The following ANKS1B variants were observed in gnomAD, a reference collection of about 807,000 sequenced individuals.
ANKS1B encodes the protein ankyrin repeat and sterile alpha motif domain containing 1B.
In ANKS1B, 36 loss-of-function variants were observed where a neutral mutation model predicts 148.3. The ratio of observed to expected loss-of-function variants is 0.24; its 90% CI spans 0.19 to 0.32. The LOEUF (loss-of-function observed/expected upper bound fraction) is 0.32, where lower values mean the gene tolerates loss of function less well. Ranked by LOEUF, ANKS1B falls within the 10% of genes least tolerant of loss-of-function variation. The pLI, the probability that ANKS1B is intolerant of heterozygous loss-of-function variation, is 1.00. For synonymous variants in ANKS1B, 542 were observed against 560.8 expected, an observed-to-expected ratio of 0.97 and a Z score of 0.47; for missense variants, 1,157 against 1,542.6, an observed-to-expected ratio of 0.75 and a Z score of 4.19.
At chr12:99,007,095 C>G (rs989775307) in intron 17 of ANKS1B, among the ~76,000 whole-genome samples, 17 of 152,188 alleles carry the variant, frequency 1.1e-4, no homozygotes, top group African/African-American at 4.1e-4. Context: ...TGCTTTTGCT[C>G]TGCTGTTATT....
chr12:99,385,586 A>G (rs1362495858), intron 12 of ANKS1B, among the ~76,000 whole-genome samples: 1 of 152,254 alleles, frequency 6.6e-6, no homozygotes, highest in Non-Finnish European at 1.5e-5. Flanking sequence ...TTCCAGTTTT[A>G]ATTTGATATA....
chr12:98,916,077 G>A (rs563737392), intron 17 of ANKS1B, among the ~76,000 whole-genome samples: 18 of 152,270 alleles, frequency 1.2e-4, no homozygotes, highest in Non-Finnish European at 2.1e-4. Flanking sequence ...AATTATTGAC[G>A]TATGTTTGTT....
At chr12:98,766,905 A>C (rs2098488406) in intron 25 of ANKS1B, among the ~76,000 whole-genome samples, 1 of 152,026 alleles carries the variant, frequency 6.6e-6, no homozygotes, top group Admixed American at 6.5e-5. Context: ...TCCTAGGCCC[A>C]AGAGATCCTC....
intron 9 of ANKS1B, among the ~76,000 whole-genome samples, chr12:99,555,250 G>A (rs1567339981): frequency 2.0e-5 from 3 of 152,050 alleles, no homozygotes; most frequent in Admixed American, 2.0e-4. Context: ...GTCCACAATG[G>A]TTGAACTAAT....
intron 8 of ANKS1B, among the ~76,000 whole-genome samples, chr12:99,712,607 A>G (rs1178199831): frequency 6.6e-6 from 1 of 152,226 alleles, no homozygotes; most frequent in African/African-American, 2.4e-5. Context: ...TAAAGGATCT[A>G]TGGGTGAGGC....
intron 17 of ANKS1B, among the ~76,000 whole-genome samples, chr12:98,981,240 C>T (rs141757461): frequency 0.02 from 3,104 of 152,088 alleles, 109 homozygotes; most frequent in African/African-American, 0.07. Context: ...TGGCCTCAAG[C>T]GATCCTCCCA....
chr12:99,806,485 C>A lies in ANKS1B; in HGVS notation c.588G>T (p.Thr196=). ...NLMSCNTRKH[T]PLHLAARNGH... ...CATTGCGCGCAGCAAGGTGAAGTGG[C>A]GTGTGCTTGCGAGTGTTGCAGCTCA... The change falls in exon 4 of 27, where the codon ACG becomes ACT. Residue 196 remains threonine, a synonymous_variant. Transcript: ENST00000683438. 1 of 1,613,946 alleles carries A rather than the reference C, an allele frequency of 6.2e-7. No homozygotes were observed. Among genetic ancestry groups the A allele is most frequent in the Non-Finnish European group, 8.5e-7 (1 of 1,179,858 alleles).
At chr12:99,531,587 A>C (rs142206119) in intron 9 of ANKS1B, among the ~76,000 whole-genome samples, 1 of 152,248 alleles carries the variant, frequency 6.6e-6, no homozygotes, top group African/African-American at 2.4e-5. Flanking sequence ...TATATACCAC[A>C]TTTTCTTTAT....
chr12:98,916,975 T>C (rs2099795248), intron 17 of ANKS1B, among the ~76,000 whole-genome samples: 1 of 151,892 alleles, frequency 6.6e-6, no homozygotes, highest in African/African-American at 2.4e-5. Context: ...TTTTTTTTTT[T>C]TTTGAGACAG....
intron 11 of ANKS1B, among the ~76,000 whole-genome samples, chr12:99,442,763 T>C (rs745350247): frequency 5.9e-5 from 9 of 151,924 alleles, no homozygotes; most frequent in Non-Finnish European, 1.2e-4. Flanking sequence ...ATTAAACAAA[T>C]CTTGCTTATT....
intron 12 of ANKS1B, among the ~76,000 whole-genome samples, chr12:99,350,423 A>C (rs2091279115): frequency 6.6e-6 from 1 of 152,050 alleles, no homozygotes; most frequent in African/African-American, 2.4e-5. Flanking sequence ...GGGATTAAAA[A>C]CTATGATGAA....
intron 15 of ANKS1B, among the ~76,000 whole-genome samples, chr12:99,135,677 C>T (rs11109735): frequency 2.7e-4 from 41 of 152,306 alleles, no homozygotes; most frequent in Non-Finnish European, 4.4e-4. Flanking sequence ...AGAATATGGG[C>T]ATTTTTAGAT....
intron 11 of ANKS1B, among the ~76,000 whole-genome samples, chr12:99,411,489 T>C (rs563083805): frequency 2.0e-5 from 3 of 152,324 alleles, no homozygotes; most frequent in East Asian, 1.9e-4. Context: ...GTCTTCTCTA[T>C]AGTGAATAGC....
intron 9 of ANKS1B, among the ~76,000 whole-genome samples, chr12:99,591,784 T>C (rs1265249479): frequency 6.6e-6 from 1 of 152,092 alleles, no homozygotes; most frequent in Admixed American, 6.6e-5. Context: ...AGAGGAACAG[T>C]GTGGCATTAG....
At chr12:99,626,325 C>G (rs1307830627) in intron 9 of ANKS1B, among the ~76,000 whole-genome samples, 1 of 152,114 alleles carries the variant, frequency 6.6e-6, no homozygotes, top group Non-Finnish European at 1.5e-5. Context: ...AAAAATGGTA[C>G]ATCAAAGGTA....
intron 8 of ANKS1B, among the ~76,000 whole-genome samples, chr12:99,703,672 T>C (rs1423931783): frequency 6.6e-6 from 1 of 152,158 alleles, no homozygotes; most frequent in Non-Finnish European, 1.5e-5. Flanking sequence ...TTCCCTGTTT[T>C]GTTCTCTACT....
chr12:98,976,879 T>C (rs923962260), intron 17 of ANKS1B, among the ~76,000 whole-genome samples: 1 of 152,244 alleles, frequency 6.6e-6, no homozygotes, highest in African/African-American at 2.4e-5. Flanking sequence ...TTTCTAAACA[T>C]GTATTTATTT....
chr12:99,303,057 C>T (rs188980385), intron 12 of ANKS1B, among the ~76,000 whole-genome samples: 6 of 152,118 alleles, frequency 3.9e-5, no homozygotes, highest in South Asian at 4.2e-4. Flanking sequence ...ACGCACACAC[C>T]GGTCAGAATA....
intron 11 of ANKS1B, among the ~76,000 whole-genome samples, chr12:99,433,949 C>A (rs183545734): frequency 1.2e-4 from 18 of 152,190 alleles, no homozygotes; most frequent in Admixed American, 2.0e-4. Context: ...TAGTCATTTT[C>A]ATACTCAAAT....
Sources: gnomAD v4.1 joint callset for allele counts (sites outside exome capture counted in the v4.1 genomes callset) on GRCh38, gnomAD v4.1.1 for gene constraint, MANE v1.5 for transcripts, NCBI Gene and HGNC (gene_info 2026-07-23, HGNC 2026-07-21) for gene names.